Variants in ABHD6 observed in about 807,000 individuals in gnomAD.
ABHD6 encodes monoacylglycerol lipase ABHD6.
In ABHD6, 33 loss-of-function variants were observed where a neutral mutation model predicts 38.8. The observed-to-expected ratio is 0.85, with a 90% CI of 0.64 to 1.14. The LOEUF (loss-of-function observed/expected upper bound fraction) is 1.14. ABHD6 is among the 50% of genes most tolerant of loss of function. ABHD6 has a pLI of 0.00. For synonymous variants in ABHD6, 147 were observed against 161.6 expected (o/e 0.91, Z 0.69); for missense variants, 380 against 422.6 (o/e 0.90, Z 0.88).
intron 7 of ABHD6, among the ~76,000 whole-genome samples, chr3:58,284,418 T>C (rs1243924169): frequency 6.6e-6 from 1 of 152,018 alleles, no homozygotes; most frequent in Non-Finnish European, 1.5e-5. Flanking sequence ...TGGATATTAC[T>C]GGCGAATTAC....
rs1424392726 is a variant in ABHD6 at position 58,273,438 on chromosome 3, C to A, written c.524-1220C>A. ...CTAACATTCACACATATGTTTATTG[C>A]AGCACTATTTACGATAGCAAAGACT... On this transcript the variant is annotated intron_variant, in intron 6 of 9. Transcript: ENST00000478253. The surrounding 1 kb of genome is among the most constrained non-coding windows in gnomAD (Gnocchi z 4.8). Among the ~76,000 whole-genome samples the A allele has an allele frequency of 2.6e-5, 4 of 152,048 alleles. No homozygotes were observed. Among genetic ancestry groups the A allele is most frequent in the Non-Finnish European group, 5.9e-5 (4 of 68,020 alleles).
intron 1 of ABHD6, among the ~76,000 whole-genome samples, chr3:58,245,936 A>G (rs2097426070): frequency 1.3e-5 from 2 of 152,180 alleles, no homozygotes; most frequent in South Asian, 4.1e-4. Context: ...TTGGGTGCTG[A>G]GGTTCTATTT....
At chr3:58,264,676 G>T (rs1292506587) in intron 3 of ABHD6, among the ~76,000 whole-genome samples, 1 of 152,004 alleles carries the variant, frequency 6.6e-6, no homozygotes, top group Non-Finnish European at 1.5e-5. Flanking sequence ...GGGTGACAGA[G>T]TAAGACCCCA....
rs147830332 is a variant in ABHD6 at position 58,285,027 on chromosome 3, A to C, written c.682-58A>C. 5.5e-3 allele frequency: 8,407 copies of C among 1,515,928 alleles called. 69 individuals carry two copies. Among genetic ancestry groups the C allele is most frequent in the Non-Finnish European group, 5.4e-3 (5,895 of 1,090,606 alleles). 93.9% of individuals were successfully genotyped at this position (1,515,928 alleles called of 1,614,324 possible). A position where few individuals can be genotyped will look rare whatever the true frequency, so the allele number is the denominator to read the frequency against. ...TCCCATTCATTGTCCCAGAGCTGTG[A>C]GAGGCCTGAGGAAATGAATCTTCTC... On this transcript the variant is annotated intron_variant, in intron 7 of 9. Coordinates refer to ENST00000478253, the MANE Select transcript of ABHD6 (RefSeq NM_001320126.2). The surrounding 1 kb of genome is among the most constrained non-coding windows in gnomAD (Gnocchi z 4.9).
intron 1 of ABHD6, among the ~76,000 whole-genome samples, chr3:58,242,159 A>G (rs547148930): frequency 6.6e-6 from 1 of 152,230 alleles, no homozygotes; most frequent in East Asian, 1.9e-4. Flanking sequence ...AGAGCACGGC[A>G]TGTCTGGGGG....
At chr3:58,286,383 T>C (rs561297834) in intron 9 of ABHD6, among the ~76,000 whole-genome samples, 3 of 152,154 alleles carry the variant, frequency 2.0e-5, no homozygotes, top group Admixed American at 1.3e-4. Flanking sequence ...CTTGAGCTCC[T>C]GACTTCAAGC....
intron 7 of ABHD6, among the ~76,000 whole-genome samples, chr3:58,279,099 T>C (rs2097450976): frequency 6.6e-6 from 1 of 152,232 alleles, no homozygotes; most frequent in South Asian, 2.1e-4. Context: ...TGGAGAGTTA[T>C]GTAGATGTCT....
intron 3 of ABHD6, among the ~76,000 whole-genome samples, chr3:58,262,136 A>G (rs1009701064): frequency 1.3e-5 from 2 of 152,222 alleles, no homozygotes; most frequent in African/African-American, 4.8e-5. Flanking sequence ...CAGAATAGAC[A>G]AACTCATAGA....
Position 58,286,844 on chromosome 3 carries a change from G to GTATATA in ABHD6, c.837+1392_837+1393insATATAT, listed in dbSNP as rs1553721712. On this transcript the variant is annotated intron_variant, in intron 9 of 9. Transcript: ENST00000478253. ...TATATGTGTGTGTGTGTGTGTGTGTGTGTGTGTGTATATATATATATATAT... is the reference window on the plus strand; with the variant it reads ...TATATGTGTGTGTGTGTGTGTGTGTGTATATATGTGTGTGTATATATATATATATAT... Among the ~76,000 whole-genome samples the GTATATA allele has an allele frequency of 8.0e-5, 4 of 50,066 alleles. 1 individual carries two copies. The highest frequency in any genetic ancestry group is 4.3e-4 in the African/African-American group (4 of 9,380). The allele number at this position is 50,066 out of a possible 152,430, so 32.8% of individuals were successfully genotyped here. A position where few individuals can be genotyped will look rare whatever the true frequency, so the allele number is the denominator to read the frequency against.
In ABHD6 at chr3:58,274,210, A is replaced by C. The variant is rs559678363; in HGVS notation, c.524-448A>C. The stretch of plus-strand genomic sequence containing the variant: ...CAGGCCAAGGGAAGGAGTGTCATTC[A>C]TGCCAGCCCTATGTTTTCTTCCGGT... On this transcript the variant is annotated intron_variant, in intron 6 of 9. Transcript: ENST00000478253. Among the ~76,000 whole-genome samples the C allele has an allele frequency of 1.3e-4, 20 of 152,322 alleles. No homozygotes were observed. In the South Asian group the frequency reaches 4.1e-3, roughly 32 times the overall value.
chr3:58,290,019 G>A (rs2097460744), intron 9 of ABHD6, among the ~76,000 whole-genome samples: 2 of 141,192 alleles, frequency 1.4e-5, no homozygotes, highest in African/African-American at 2.8e-5. Context: ...CTCCCGGACG[G>A]GGCGGCTGGC....
chr3:58,254,758 G>C (rs535755091), intron 2 of ABHD6, among the ~76,000 whole-genome samples: 2 of 151,462 alleles, frequency 1.3e-5, no homozygotes, highest in African/African-American at 2.4e-5. Flanking sequence ...TTCTGTGTTG[G>C]AGAGAATGAC....
At chr3:58,246,795 A>G (rs1288809550) in intron 1 of ABHD6, among the ~76,000 whole-genome samples, 4 of 152,176 alleles carry the variant, frequency 2.6e-5, no homozygotes, top group South Asian at 4.2e-4. Context: ...TTAAATTCCT[A>G]TCTTCTACCT....
At chr3:58,260,965 C>A (rs2097436542) in intron 3 of ABHD6, among the ~76,000 whole-genome samples, 1 of 152,190 alleles carries the variant, frequency 6.6e-6, no homozygotes, top group Admixed American at 6.5e-5. Flanking sequence ...TTCCACAACA[C>A]CGTGGACTAT....
intron 1 of ABHD6, among the ~76,000 whole-genome samples, chr3:58,247,021 T>G (rs2097426878): frequency 6.7e-6 from 1 of 149,230 alleles, no homozygotes. Context: ...TAATATTTGG[T>G]TGCCGTCTCT....
chr3:58,262,055 T>G (rs1224715498), intron 3 of ABHD6, among the ~76,000 whole-genome samples: 2 of 152,204 alleles, frequency 1.3e-5, no homozygotes, highest in Non-Finnish European at 2.9e-5. Flanking sequence ...TGGATGAACC[T>G]TGAGAACAAC....
chr3:58,239,854 A>G (rs1455218273), intron 1 of ABHD6, among the ~76,000 whole-genome samples: 3 of 151,804 alleles, frequency 2.0e-5, no homozygotes, highest in Non-Finnish European at 4.4e-5. Context: ...AAAGGCAAGC[A>G]TGAATGTTTT....
At chr3:58,291,956 A>C (rs1338886182) in intron 9 of ABHD6, among the ~76,000 whole-genome samples, 3 of 150,634 alleles carry the variant, frequency 2.0e-5, no homozygotes, top group African/African-American at 5.0e-5. Flanking sequence ...TCTCAAAAAA[A>C]CAAAAAAAGA....
rs2097464876 is a variant in ABHD6, at chr3:58,293,556, G to A, written c.838-33G>A. ...TGCACACGTGGGTGTCTGAATCTTT[G>A]TGTATCATCCAGCTCCCTTTCTTGC... On this transcript the variant is annotated intron_variant, in intron 9 of 9. Coordinates refer to ENST00000478253, the MANE Select transcript of ABHD6 (RefSeq NM_001320126.2). The surrounding 1 kb of genome is among the most constrained non-coding windows in gnomAD (Gnocchi z 4.4). 3.7e-6 allele frequency: 6 copies of A among 1,608,512 alleles called. No individual in the cohort carries two copies. Among genetic ancestry groups the A allele is most frequent in the African/African-American group, 1.3e-5 (1 of 74,880 alleles).
Sources: gnomAD v4.1 joint callset for allele counts (sites outside exome capture counted in the v4.1 genomes callset) on GRCh38, gnomAD v4.1.1 for gene constraint, Gnocchi (gnomAD v3.1) non-coding constraint, MANE v1.5 for transcripts, NCBI Gene and HGNC (gene_info 2026-07-23, HGNC 2026-07-21) for gene names.